NFIB: variants seen among roughly 807,000 people sequenced by gnomAD.
NFIB encodes nuclear factor I B.
NFIB carries 11 observed loss-of-function variants against 61.5 expected under a neutral mutation model. That is an observed-to-expected ratio of 0.18 (90% CI 0.11 to 0.30). The LOEUF is 0.30. Among genes scored for constraint, NFIB ranks in the 10% least tolerant of loss-of-function variants. NFIB has a pLI of 1.00. For synonymous variants in NFIB, 260 were observed against 216.5 expected (o/e 1.20, Z -1.76); for missense variants, 471 against 608.9 (o/e 0.77, Z 2.38).
chr9:14,423,494 A>G, the NFIB span, among the ~76,000 whole-genome samples: 4 of 152,278 alleles, frequency 2.6e-5, no homozygotes, highest in South Asian at 8.3e-4. Context: ...TTAGCGTGAC[A>G]TCGAGCCTCT....
chr9:14,466,521 A>G, the NFIB span, among the ~76,000 whole-genome samples: 1 of 152,134 alleles, frequency 6.6e-6, no homozygotes. Context: ...TCATGAGGCC[A>G]GAGGAAAAAG....
chr9:14,503,858 G>A, the NFIB span, among the ~76,000 whole-genome samples: 5 of 152,068 alleles, frequency 3.3e-5, no homozygotes, highest in Non-Finnish European at 5.9e-5. Flanking sequence ...TGTTTTTGTT[G>A]CATTTGCTTT....
the NFIB span, among the ~76,000 whole-genome samples, chr9:14,507,670 C>T: frequency 3.9e-5 from 6 of 152,132 alleles, no homozygotes; most frequent in Admixed American, 2.6e-4. Flanking sequence ...TAATCTTCTC[C>T]ATGCCTAAAT....
chr9:14,346,300 C>CCCCA (rs1554715692), intron 1 of NFIB, among the ~76,000 whole-genome samples: 1 of 144,906 alleles, frequency 6.9e-6, no homozygotes, highest in Non-Finnish European at 1.6e-5. Context: ...ACCCCCCCCC[C>CCCCA]GTAACCTGAG....
chr9:14,517,407 GATGA>G, the NFIB span, among the ~76,000 whole-genome samples: 2 of 152,194 alleles, frequency 1.3e-5, no homozygotes, highest in Admixed American at 6.5e-5. Flanking sequence ...CTGCTACTTG[GATGA>G]CACAGATGGA....
chr9:14,103,678 G>A (rs1306485132), intron 10 of NFIB, among the ~76,000 whole-genome samples: 2 of 152,052 alleles, frequency 1.3e-5, no homozygotes, highest in African/African-American at 4.8e-5. Context: ...GATAGTTTTT[G>A]CTCATTTTTC....
the NFIB span, among the ~76,000 whole-genome samples, chr9:14,477,316 A>G: frequency 6.6e-5 from 10 of 152,230 alleles, no homozygotes; most frequent in African/African-American, 2.2e-4. Context: ...TAAAGTGAAA[A>G]TTAAAAGTCC....
At chr9:14,115,110 T>A (rs2037928577) in intron 9 of NFIB, among the ~76,000 whole-genome samples, 1 of 152,136 alleles carries the variant, frequency 6.6e-6, no homozygotes, top group African/African-American at 2.4e-5. Context: ...AAAGAAATGC[T>A]GAATTCACTG....
At chr9:14,398,009 C>G (rs1475491495) in intron 1 of NFIB, among the ~76,000 whole-genome samples, 1 of 151,944 alleles carries the variant, frequency 6.6e-6, no homozygotes, top group African/African-American at 2.4e-5. Context: ...GCTCCAGGCT[C>G]CATGTAATGT....
the NFIB span, among the ~76,000 whole-genome samples, chr9:14,525,649 C>T: frequency 2.0e-5 from 3 of 152,098 alleles, no homozygotes; most frequent in South Asian, 6.2e-4. Context: ...GCCATTGGAT[C>T]TTGCTAACCA....
upstream of NFIB, among the ~76,000 whole-genome samples, chr9:14,316,571 A>G (rs7874736): frequency 0.32 from 49,090 of 152,170 alleles, 8,355 homozygotes; most frequent in South Asian, 0.46. Flanking sequence ...AAGCTGGGAT[A>G]AAGTTGGCAG....
intron 2 of NFIB, among the ~76,000 whole-genome samples, chr9:14,183,022 A>C (rs1458595258): frequency 6.6e-6 from 1 of 152,128 alleles, no homozygotes; most frequent in Non-Finnish European, 1.5e-5. Context: ...AATGGTTTAA[A>C]CATATTAAAA....
chr9:14,316,424 C>A (rs770668413), upstream of NFIB, among the ~76,000 whole-genome samples: 1 of 152,128 alleles, frequency 6.6e-6, no homozygotes, highest in Non-Finnish European at 1.5e-5. Context: ...ATCGCGCGGA[C>A]CCCTGCGAGT....
chr9:14,418,732 T>C, the NFIB span, among the ~76,000 whole-genome samples: 8 of 152,180 alleles, frequency 5.3e-5, no homozygotes, highest in Non-Finnish European at 1.2e-4. Context: ...TTCAATAAAA[T>C]TCCCATATTA....
chr9:14,162,300 G>T lies in NFIB; in HGVS notation c.617-6407C>A, dbSNP rs149604434. On this transcript the variant is annotated intron_variant, in intron 3 of 10. Coordinates refer to ENST00000380953, the MANE Select transcript of NFIB (RefSeq NM_001190737.2). ...TACTCACTTATTCCTAGTTTTCTCA[G>T]ATTTTTAAAAAGTTTTCTGACGAGA... Among the ~76,000 whole-genome samples the T allele has an allele frequency of 8.8e-3, 1,333 of 151,812 alleles. 7 individuals carry two copies. The highest frequency in any genetic ancestry group is 0.015 in the Non-Finnish European group (998 of 67,892).
chr9:14,279,269 A>C (rs1403377793), intron 2 of NFIB, among the ~76,000 whole-genome samples: 2 of 152,160 alleles, frequency 1.3e-5, no homozygotes, highest in African/African-American at 4.8e-5. Flanking sequence ...TTTCTACGAT[A>C]ATAAGAGGAT....
chr9:14,108,343 G>C (rs1439533037), intron 10 of NFIB, among the ~76,000 whole-genome samples: 2 of 151,934 alleles, frequency 1.3e-5, no homozygotes, highest in Non-Finnish European at 2.9e-5. Context: ...GTAGTACCAA[G>C]CTTTGGCTTT....
chr9:14,432,742 C>T, the NFIB span, among the ~76,000 whole-genome samples: 2 of 152,092 alleles, frequency 1.3e-5, no homozygotes, highest in African/African-American at 2.4e-5. Flanking sequence ...GAGGAGACCT[C>T]AGAGTAGAAA....
intron 2 of NFIB, among the ~76,000 whole-genome samples, chr9:14,207,067 G>A (rs952768986): frequency 1.3e-5 from 2 of 152,188 alleles, no homozygotes; most frequent in Non-Finnish European, 2.9e-5. Context: ...TTGTTTACAT[G>A]TCCAATACTG....
Sources: allele counts gnomAD v4.1 joint callset (sites outside exome capture counted in the v4.1 genomes callset), GRCh38; gene constraint gnomAD v4.1.1; transcripts MANE v1.5; gene names NCBI Gene and HGNC (gene_info 2026-07-23, HGNC 2026-07-21).